Variants in LMO1 observed in about 807,000 individuals in gnomAD.
LMO1 encodes LIM domain only 1, also known as rhombotin-1.
In LMO1, 10 loss-of-function variants were observed where a neutral mutation model predicts 18.0. The observed-to-expected ratio is 0.55, with a 90% CI of 0.34 to 0.94. LMO1 has a LOEUF of 0.94. LMO1 is among the 40% of genes least tolerant of loss of function. The pLI is 0.02. For missense variants in LMO1, 183 were observed against 205.7 expected, an observed-to-expected ratio of 0.89 and a Z score of 0.68; for synonymous variants, 77 against 77.9, an observed-to-expected ratio of 0.99 and a Z score of 0.06.
At chr11:8,267,503 C>A (rs2134597547), upstream of LMO1, among the ~76,000 whole-genome samples, 1 of 152,272 alleles carries the variant, frequency 6.6e-6, no homozygotes, top group South Asian at 2.1e-4. Flanking sequence ...ATTGTCCCAG[C>A]CTCGGCGGAT....
intron 1 of LMO1, among the ~76,000 whole-genome samples, chr11:8,247,398 AG>A (rs1484025621): frequency 6.6e-6 from 1 of 152,200 alleles, no homozygotes; most frequent in Non-Finnish European, 1.5e-5. Context: ...CTGCCTTTGA[AG>A]GGGGAGAGCA....
At chr11:8,257,378 G>A (rs889301258) in intron 1 of LMO1, among the ~76,000 whole-genome samples, 1 of 152,222 alleles carries the variant, frequency 6.6e-6, no homozygotes. Context: ...CACTTCCAAA[G>A]GCCCAGGACA....
At chr11:8,268,447 A>G (rs1188583340), upstream of LMO1, 6 of 1,460,948 alleles carry the variant, frequency 4.1e-6, no homozygotes, top group Admixed American at 7.2e-5. Context: ...GTCCAACACC[A>G]TGGTCCCGAC....
chr11:8,232,604 A>G (rs551462435), intron 1 of LMO1, among the ~76,000 whole-genome samples: 1 of 152,288 alleles, frequency 6.6e-6, no homozygotes, highest in East Asian at 1.9e-4. Flanking sequence ...ACCGACTGGG[A>G]AAATCTTGGG....
intron 1 of LMO1, among the ~76,000 whole-genome samples, chr11:8,235,538 T>C (rs1952747383): frequency 6.6e-6 from 1 of 152,252 alleles, no homozygotes; most frequent in South Asian, 2.1e-4. Flanking sequence ...ATTCAGATTT[T>C]ACCAATTTCT....
chr11:8,258,159 A>G (rs1402122826), intron 1 of LMO1, among the ~76,000 whole-genome samples: 1 of 152,226 alleles, frequency 6.6e-6, no homozygotes, highest in Admixed American at 6.5e-5. Flanking sequence ...CAAGTCAAAC[A>G]GTGCCTGGCA....
chr11:8,265,706 G>T (rs1378855830), upstream of LMO1, among the ~76,000 whole-genome samples: 2 of 152,178 alleles, frequency 1.3e-5, no homozygotes, highest in African/African-American at 4.8e-5. Flanking sequence ...CGGCATATTT[G>T]GTGCCAGCCC....
upstream of LMO1, among the ~76,000 whole-genome samples, chr11:8,267,172 A>C (rs994762258): frequency 1.8e-4 from 28 of 152,206 alleles, no homozygotes; most frequent in Admixed American, 1.6e-3. Flanking sequence ...CCAAATCTGC[A>C]CCATAGCAAA....
At chr11:8,251,363 C>T (rs760778912) in intron 1 of LMO1, among the ~76,000 whole-genome samples, 13 of 152,188 alleles carry the variant, frequency 8.5e-5, no homozygotes, top group Non-Finnish European at 7.4e-5. Flanking sequence ...GCCTCCTCCA[C>T]CCTGCTCCCA....
chr11:8,246,413 A>T (rs1380678688), intron 1 of LMO1, among the ~76,000 whole-genome samples: 2 of 152,246 alleles, frequency 1.3e-5, no homozygotes, highest in African/African-American at 4.8e-5. Flanking sequence ...CCTTGCAAAC[A>T]TTATGCCAAG....
In LMO1 at chr11:8,251,996, G is replaced by A. The variant is rs1049938688; in HGVS notation, c.25+11342C>T. On this transcript the variant is annotated intron_variant, in intron 1 of 3. Transcript: ENST00000335790. ...GGTGTGCGTGTGTGGGGGTGTGCGT[G>A]TGTGTGTGTGAATGTGTGTGAGTGT... Among the ~76,000 whole-genome samples, 36 of 55,252 alleles carry A rather than the reference G, an allele frequency of 6.5e-4. No homozygotes were observed. The East Asian group carries it at 0.015, about 23-fold the overall frequency. 36.2% of individuals were successfully genotyped at this position (55,252 alleles called of 152,430 possible). A position where few individuals can be genotyped will look rare whatever the true frequency, so the allele number is the denominator to read the frequency against.
At chr11:8,264,631 T>C (rs910021844), upstream of LMO1, among the ~76,000 whole-genome samples, 1 of 152,036 alleles carries the variant, frequency 6.6e-6, no homozygotes, top group African/African-American at 2.4e-5. Context: ...TTTTTCTTTC[T>C]TTCTGTTTTT....
At chr11:8,258,847 G>A (rs528995850) in intron 1 of LMO1, among the ~76,000 whole-genome samples, 7 of 152,244 alleles carry the variant, frequency 4.6e-5, no homozygotes, top group Non-Finnish European at 8.8e-5. Flanking sequence ...GGCCAAGTGA[G>A]TGGTCATGCC....
upstream of LMO1, among the ~76,000 whole-genome samples, chr11:8,264,292 C>T (rs1021182900): frequency 6.6e-6 from 1 of 152,110 alleles, no homozygotes; most frequent in Non-Finnish European, 1.5e-5. Context: ...CATCCTGACT[C>T]CATGGAGCGG....
Position 8,224,627 on chromosome 11 carries a change from G to T in LMO1, c.460C>A (p.Gln154Lys). 1 of 1,602,650 alleles carries T rather than the reference G, an allele frequency of 6.2e-7. No individual in the cohort carries two copies. Among genetic ancestry groups the T allele is most frequent in the Non-Finnish European group, 8.5e-7 (1 of 1,172,784 alleles). ...EGQLNGTFES[Q>K]VQ is the part of the protein sequence containing the mutation. The stretch of plus-strand genomic sequence containing the variant: ...CCAGGCGCCGGGCGTTACTGAACTT[G>T]GGATTCAAAGGTGCCATTGAGCTGC... The change falls in exon 4 of 4, where the codon CAA becomes AAA. Residue 154 changes from glutamine to lysine, a missense_variant. By Grantham distance (53) the Gln-to-Lys change is moderately conservative. Coordinates refer to ENST00000335790, the MANE Select transcript of LMO1 (RefSeq NM_002315.3).
At chr11:8,233,729 C>T (rs992126787) in intron 1 of LMO1, among the ~76,000 whole-genome samples, 1 of 150,512 alleles carries the variant, frequency 6.6e-6, no homozygotes, top group African/African-American at 2.4e-5. Context: ...GCCAGCCTGC[C>T]CCCCTGCAGA....
rs1847232049 is a variant in LMO1, at chr11:8,263,856, G to T, written c.-494C>A. 4.8e-6 allele frequency: 5 copies of T among 1,038,154 alleles called. No individual in the cohort carries two copies. Among genetic ancestry groups the T allele is most frequent in the East Asian group, 5.6e-5 (1 of 17,874 alleles). 64.3% of individuals were successfully genotyped at this position (1,038,154 alleles called of 1,614,324 possible). On this transcript the variant is annotated 5_prime_UTR_variant, in exon 1 of 4. Transcript: ENST00000335790. Reference sequence around the variant, plus strand: ...TGGGGGAATCTCGTGGCCGTCTCCCGCTGCCTTTCTCCCTCAATGTATGAG... The same window carrying T: ...TGGGGGAATCTCGTGGCCGTCTCCCTCTGCCTTTCTCCCTCAATGTATGAG...
At chr11:8,245,484 C>T (rs993840529) in intron 1 of LMO1, among the ~76,000 whole-genome samples, 1 of 152,138 alleles carries the variant, frequency 6.6e-6, no homozygotes, top group Non-Finnish European at 1.5e-5. Context: ...CCTTGATATG[C>T]TAGGCAAGTA....
At chr11:8,262,815 C>A (rs1847208945) in intron 1 of LMO1, among the ~76,000 whole-genome samples, 1 of 152,194 alleles carries the variant, frequency 6.6e-6, no homozygotes, top group African/African-American at 2.4e-5. Flanking sequence ...CCCTCGCCTG[C>A]CGGGCACCCT....
Sources: gnomAD v4.1 joint callset for allele counts (sites outside exome capture counted in the v4.1 genomes callset) on GRCh38, gnomAD v4.1.1 for gene constraint, MANE v1.5 for transcripts, NCBI Gene and HGNC (gene_info 2026-07-23, HGNC 2026-07-21) for gene names.